OR7C1: variants seen among roughly 807,000 people sequenced by gnomAD.
OR7C1 encodes the protein olfactory receptor family 7 subfamily C member 1.
For synonymous variants in OR7C1, 152 were observed against 160.7 expected (o/e 0.95, Z 0.41); for missense variants, 324 against 383.3 (o/e 0.85, Z 1.29).
intron 1 of OR7C1, among the ~76,000 whole-genome samples, chr19:14,819,949 C>A (rs1191693784): frequency 6.6e-6 from 1 of 152,150 alleles, no homozygotes; most frequent in Non-Finnish European, 1.5e-5. Flanking sequence ...CTCTGTCACC[C>A]AGCCTGGAGT....
chr19:14,830,826 G>T (rs2044824552), intron 1 of OR7C1, among the ~76,000 whole-genome samples: 2 of 152,096 alleles, frequency 1.3e-5, no homozygotes, highest in Admixed American at 6.6e-5. Flanking sequence ...CATGGTCCAG[G>T]ACACACAACC....
intron 1 of OR7C1, among the ~76,000 whole-genome samples, chr19:14,823,905 C>CTTTTT (rs200113587): frequency 7.1e-6 from 1 of 139,984 alleles, no homozygotes; most frequent in African/African-American, 2.6e-5. Context: ...CACTATTGTG[C>CTTTTT]TTTTTTTTTT....
intron 2 of OR7C1, among the ~76,000 whole-genome samples, chr19:14,804,974 C>T (rs570821475): frequency 6.6e-6 from 1 of 151,602 alleles, no homozygotes; most frequent in South Asian, 2.1e-4. Flanking sequence ...TGGGCTCAAG[C>T]AATCCTCACA....
exon 5 of OR7C1, chr19:14,800,070 T>C: frequency 6.2e-7 from 1 of 1,605,240 alleles, no homozygotes; most frequent in South Asian, 1.1e-5. Context: ...ATGAACTGAA[T>C]CTCTGACGTT....
At chr19:14,826,477 A>G (rs979946853) in intron 1 of OR7C1, 4 of 152,296 alleles carry the variant, frequency 2.6e-5, no homozygotes, top group Admixed American at 2.6e-4. Context: ...ATTATAGACC[A>G]TGGCACCAAA....
intron 1 of OR7C1, chr19:14,827,676 CA>C: frequency 6.2e-7 from 1 of 1,614,152 alleles, no homozygotes; most frequent in Non-Finnish European, 8.5e-7. Flanking sequence ...GCTATCAGAA[CA>C]AGCAAGTTGG....
At chr19:14,831,627 T>A (rs1483343606) in intron 1 of OR7C1, among the ~76,000 whole-genome samples, 1 of 152,006 alleles carries the variant, frequency 6.6e-6, no homozygotes, top group African/African-American at 2.4e-5. Context: ...GTATTTTTAG[T>A]AGAGATGGGG....
chr19:14,827,939 C>T (rs757970348), intron 1 of OR7C1: 1 of 1,614,194 alleles, frequency 6.2e-7, no homozygotes, highest in South Asian at 1.1e-5. Flanking sequence ...TGAAAAAATA[C>T]ATCTGCATGA....
At chr19:14,828,347 A>G in intron 1 of OR7C1, 1 of 1,250,980 alleles carries the variant, frequency 8.0e-7, no homozygotes, top group Non-Finnish European at 1.1e-6. Flanking sequence ...TAGCCAATAA[A>G]TTATCTTACA....
chr19:14,818,672 CG>C (rs1362739162), intron 1 of OR7C1, among the ~76,000 whole-genome samples: 1 of 151,934 alleles, frequency 6.6e-6, no homozygotes, highest in East Asian at 1.9e-4. Flanking sequence ...AGTTGGTGAA[CG>C]TTTTTTCACC....
intron 2 of OR7C1, among the ~76,000 whole-genome samples, chr19:14,804,834 T>G (rs2044658662): frequency 6.6e-6 from 1 of 151,940 alleles, no homozygotes; most frequent in African/African-American, 2.4e-5. Flanking sequence ...AATTGCTTGC[T>G]TTCAAGTAAC....
intron 1 of OR7C1, among the ~76,000 whole-genome samples, chr19:14,814,725 G>A (rs548812016): frequency 3.3e-4 from 50 of 152,106 alleles, no homozygotes; most frequent in Middle Eastern, 3.4e-3. Context: ...ATGCCTGGCC[G>A]GGAAAATGCT....
chr19:14,807,659 T>C (rs984286825), intron 2 of OR7C1, among the ~76,000 whole-genome samples: 3 of 151,830 alleles, frequency 2.0e-5, no homozygotes, highest in Admixed American at 2.0e-4. Flanking sequence ...CCTGATTGAA[T>C]TAAAACAGTG....
chr19:14,805,449 T>C (rs951031435), intron 2 of OR7C1, among the ~76,000 whole-genome samples: 1 of 127,164 alleles, frequency 7.9e-6, no homozygotes, highest in African/African-American at 3.0e-5. Context: ...AGAATCTCAC[T>C]CTGTCACCCA....
intron 1 of OR7C1, among the ~76,000 whole-genome samples, chr19:14,830,805 C>T (rs2044824313): frequency 6.6e-6 from 1 of 152,160 alleles, no homozygotes; most frequent in African/African-American, 2.4e-5. Flanking sequence ...AGCTCTAAGT[C>T]TGCCTTTCTT....
intron 1 of OR7C1, among the ~76,000 whole-genome samples, chr19:14,812,859 T>A (rs1229039464): frequency 6.6e-6 from 1 of 150,854 alleles, no homozygotes; most frequent in Non-Finnish European, 1.5e-5. Context: ...AGGTCAGGAG[T>A]TCAAGACCGG....
At chr19:14,807,161 G>C (rs150765288) in intron 2 of OR7C1, among the ~76,000 whole-genome samples, 5 of 151,670 alleles carry the variant, frequency 3.3e-5, no homozygotes, top group African/African-American at 1.2e-4. Context: ...TTTCATGTTT[G>C]TTGGCCGCAT....
rs1003712004 is a variant in OR7C1, at chr19:14,807,828, G to A, written c.-435+1978C>T. 2.4e-4 allele frequency among the ~76,000 whole-genome samples: 36 copies of A among 151,596 alleles called. No individual in the cohort carries two copies. In the East Asian group the frequency reaches 3.5e-3, roughly 15 times the overall value. On this transcript the variant is annotated intron_variant, in intron 2 of 4. Transcript: ENST00000641666. Reference sequence around the variant, plus strand: ...GGAGAATGGCGTGAACCCAGGAGGCGGAGCTTGCAGTGAGCCGAGATTGTG... The same window carrying A: ...GGAGAATGGCGTGAACCCAGGAGGCAGAGCTTGCAGTGAGCCGAGATTGTG...
intron 2 of OR7C1, among the ~76,000 whole-genome samples, chr19:14,803,663 A>T (rs1184633585): frequency 6.6e-6 from 1 of 151,920 alleles, no homozygotes; most frequent in African/African-American, 2.4e-5. Flanking sequence ...GGGAAACCTT[A>T]CCAAGGACTT....
Sources: allele counts gnomAD v4.1 joint callset (sites outside exome capture counted in the v4.1 genomes callset), GRCh38; gene constraint gnomAD v4.1.1; transcripts MANE v1.5; gene names NCBI Gene and HGNC (gene_info 2026-07-23, HGNC 2026-07-21).